RBPJ: variants seen among roughly 807,000 people sequenced by gnomAD.
The protein encoded by RBPJ is recombining binding protein suppressor of hairless.
A neutral mutation model predicts 67.8 loss-of-function variants in RBPJ; 9 were observed. The ratio of observed to expected loss-of-function variants is 0.13; its 90% confidence interval spans 0.08 to 0.23. RBPJ has a LOEUF of 0.23. Ranked by LOEUF, RBPJ falls within the 10% of genes least tolerant of loss-of-function variation. The pLI is 1.00. For synonymous variants in RBPJ, 198 were observed against 203.3 expected, an observed-to-expected ratio of 0.97 and a Z score of 0.22; for missense variants, 305 against 595.6, an observed-to-expected ratio of 0.51 and a Z score of 5.08.
At chr4:26,324,118 T>TG (rs1723370779) in intron 1 of RBPJ, among the ~76,000 whole-genome samples, 1 of 152,310 alleles carries the variant, frequency 6.6e-6, no homozygotes, top group South Asian at 2.1e-4. Flanking sequence ...ACAGGATTGC[T>TG]GTGCCTTAAG....
At chr4:26,220,253 T>C (rs1057170246) in intron 1 of RBPJ, among the ~76,000 whole-genome samples, 1 of 152,236 alleles carries the variant, frequency 6.6e-6, no homozygotes, top group African/African-American at 2.4e-5. Flanking sequence ...CATAGAAATT[T>C]ATATTGTACC....
chr4:26,365,108 A>ATT (rs541552290), intron 1 of RBPJ, among the ~76,000 whole-genome samples: 257 of 151,172 alleles, frequency 1.7e-3, no homozygotes, highest in African/African-American at 5.7e-3. Context: ...TATATAGATA[A>ATT]TTATATATAT....
chr4:26,212,913 C>T (rs1280088355), intron 1 of RBPJ, among the ~76,000 whole-genome samples: 1 of 152,064 alleles, frequency 6.6e-6, no homozygotes, highest in Non-Finnish European at 1.5e-5. Flanking sequence ...AGCTGAAGTC[C>T]TGGAGGCTGC....
At chr4:26,195,576 CTGAGTA>C (rs1717727779) in intron 1 of RBPJ, among the ~76,000 whole-genome samples, 1 of 152,072 alleles carries the variant, frequency 6.6e-6, no homozygotes, top group Non-Finnish European at 1.5e-5. Flanking sequence ...AAACTGATCT[CTGAGTA>C]TGTTTTTTTT....
intron 1 of RBPJ, among the ~76,000 whole-genome samples, chr4:26,214,712 G>GGA (rs1553849743): frequency 2.1e-4 from 9 of 43,852 alleles, no homozygotes; most frequent in Middle Eastern, 0.02. Flanking sequence ...AAGGAAGGAA[G>GGA]GAGAGAGAGA....
the RBPJ span, among the ~76,000 whole-genome samples, chr4:26,148,048 A>G: frequency 6.6e-6 from 1 of 152,224 alleles, no homozygotes. Flanking sequence ...ATTCTAGTGT[A>G]TACTAACATT....
intron 1 of RBPJ, among the ~76,000 whole-genome samples, chr4:26,217,761 C>CA (rs1356968564): frequency 3.3e-5 from 5 of 152,110 alleles, no homozygotes; most frequent in East Asian, 1.9e-4. Context: ...TCCACTATGA[C>CA]AAAAAAACTT....
intron 1 of RBPJ, among the ~76,000 whole-genome samples, chr4:26,234,976 G>A (rs1201605240): frequency 6.6e-6 from 1 of 152,180 alleles, no homozygotes; most frequent in Non-Finnish European, 1.5e-5. Flanking sequence ...ACAGGTGTGA[G>A]CCACTGTGCC....
chr4:26,176,543 C>T (rs547154642), intron 1 of RBPJ, among the ~76,000 whole-genome samples: 86 of 152,282 alleles, frequency 5.6e-4, no homozygotes, highest in African/African-American at 1.9e-3. Context: ...TAATTATCAC[C>T]GTGCTTGCTA....
intron 1 of RBPJ, chr4:26,272,841 C>T (rs999055583): frequency 5.9e-6 from 2 of 336,170 alleles, no homozygotes; most frequent in South Asian, 4.8e-5. Flanking sequence ...TTGTTTAAAA[C>T]CATACATTGC....
intron 1 of RBPJ, among the ~76,000 whole-genome samples, chr4:26,322,678 C>T (rs3886376): frequency 3.5e-4 from 41 of 118,340 alleles, no homozygotes; most frequent in Non-Finnish European, 5.0e-4. Flanking sequence ...TATATATACA[C>T]ACACACACGT....
the RBPJ span, among the ~76,000 whole-genome samples, chr4:26,143,190 T>C: frequency 6.6e-6 from 1 of 152,208 alleles, no homozygotes; most frequent in Non-Finnish European, 1.5e-5. Flanking sequence ...CCCATCTGAT[T>C]ATCTCTCTGC....
intron 1 of RBPJ, among the ~76,000 whole-genome samples, chr4:26,287,576 A>G (rs867378555): frequency 1.4e-4 from 6 of 43,068 alleles, no homozygotes; most frequent in African/African-American, 6.7e-4. Context: ...AAGGAAAGGA[A>G]AGGACAGGAG....
chr4:26,142,023 G>A, the RBPJ span, among the ~76,000 whole-genome samples: 1 of 152,194 alleles, frequency 6.6e-6, no homozygotes, highest in East Asian at 1.9e-4. Flanking sequence ...GTTCATCAAA[G>A]TTTAATGTTC....
chr4:26,221,954 G>A (rs1718923527), intron 1 of RBPJ, among the ~76,000 whole-genome samples: 1 of 152,128 alleles, frequency 6.6e-6, no homozygotes, highest in Non-Finnish European at 1.5e-5. Flanking sequence ...AGGGATGGGG[G>A]GAGGGCAGGA....
At chr4:26,413,530 A>G (rs1375945522) in intron 3 of RBPJ, among the ~76,000 whole-genome samples, 9 of 152,174 alleles carry the variant, frequency 5.9e-5, no homozygotes. Context: ...AGTATCTGTT[A>G]CACACTCAGG....
chr4:26,200,241 A>T lies in RBPJ; in HGVS notation c.-167+36627A>T, dbSNP rs1463099234. Among the ~76,000 whole-genome samples the T allele has an allele frequency of 2.0e-5, 3 of 152,186 alleles. No individual in the cohort carries two copies. The East Asian group carries it at 5.8e-4, about 29-fold the overall frequency. On this transcript the variant is annotated intron_variant, in intron 1 of 4. Coordinates refer to the RBPJ transcript ENST00000512351. ...TGACACAAAACTTTAATTTTAGAAG[A>T]TATTGTTGGCATTTTACTCTATCAT...
At chr4:26,364,157 T>TA (rs1728362595) in intron 1 of RBPJ, among the ~76,000 whole-genome samples, 2 of 152,350 alleles carry the variant, frequency 1.3e-5, no homozygotes, top group South Asian at 4.1e-4. Flanking sequence ...AATACACTGG[T>TA]ATAGTCCATG....
chr4:26,352,261 G>T (rs927368241), intron 1 of RBPJ, among the ~76,000 whole-genome samples: 2 of 152,174 alleles, frequency 1.3e-5, no homozygotes, highest in Non-Finnish European at 2.9e-5. Context: ...TCTGGTGAAG[G>T]TCCCTGCTGT....
Sources: allele counts gnomAD v4.1 joint callset (sites outside exome capture counted in the v4.1 genomes callset), GRCh38; gene constraint gnomAD v4.1.1; transcripts MANE v1.5; gene names NCBI Gene and HGNC (gene_info 2026-07-23, HGNC 2026-07-21).